ALS2CL: variants seen among roughly 807,000 people sequenced by gnomAD.
ALS2CL encodes ALS2 C-terminal like.
A neutral mutation model predicts 127.9 loss-of-function variants in ALS2CL; 112 were observed. The observed-to-expected ratio is 0.88, with a 90% confidence interval of 0.75 to 1.02. The LOEUF (loss-of-function observed/expected upper bound fraction) is 1.02, where lower values mean the gene tolerates loss of function less well. ALS2CL is among the 50% of genes least tolerant of loss of function. The pLI is 0.00. For missense variants in ALS2CL, 1,174 were observed against 1,236.7 expected (o/e 0.95, Z 0.76); for synonymous variants, 519 against 527.6 (o/e 0.98, Z 0.22).
intron 19 of ALS2CL, chr3:46,675,930 C>A: frequency 7.0e-7 from 1 of 1,427,394 alleles, no homozygotes; most frequent in Non-Finnish European, 9.1e-7. Flanking sequence ...GGGTCACAGC[C>A]CAGCCTGGGA....
intron 19 of ALS2CL, 105 bp downstream of exon 19, chr3:46,676,140 A>T: frequency 2.0e-6 from 3 of 1,497,582 alleles, no homozygotes; most frequent in Non-Finnish European, 2.7e-6. Flanking sequence ...TTCATTGTTG[A>T]ATCAGACACT....
chr3:46,681,091 T>G lies in ALS2CL; in HGVS notation c.1436+155A>C. 1.6e-5 allele frequency: 20 copies of G among 1,246,494 alleles called. No individual in the cohort carries two copies. The highest frequency in any genetic ancestry group is 2.4e-5 in the South Asian group (2 of 82,228). The allele number at this position is 1,246,494 out of a possible 1,614,324, so 77.2% of individuals were successfully genotyped here. On this transcript the variant is annotated intron_variant, in intron 13 of 25. Coordinates refer to ENST00000318962, the MANE Select transcript of ALS2CL (RefSeq NM_147129.5). The surrounding 1 kb of genome is among the most constrained non-coding windows in gnomAD (Gnocchi z 4.9). ...CAGCGTGACCAAGATTCGCTCAGCC[T>G]GAGCCTCCGCAGCAACCGAGGGACT...
Position 46,670,769 on chromosome 3 carries a change from A to G in ALS2CL, c.*215T>C, listed in dbSNP as rs1363630093. On this transcript the variant is annotated 3_prime_UTR_variant, in exon 26 of 26. Coordinates refer to ENST00000318962, the MANE Select transcript of ALS2CL (RefSeq NM_147129.5). The surrounding 1 kb of genome is among the most constrained non-coding windows in gnomAD (Gnocchi z 5.5). Reference sequence around the variant, plus strand: ...ATTAAGGGGTCATTGAAGATGGGCTAGTGGCCAAGGGAAAACCACCACATC... The same window carrying G: ...ATTAAGGGGTCATTGAAGATGGGCTGGTGGCCAAGGGAAAACCACCACATC... The G allele has an allele frequency of 5.6e-6, 3 of 533,718 alleles. No individual in the cohort carries two copies. The highest frequency in any genetic ancestry group is 1.0e-5 in the Non-Finnish European group (3 of 293,876). The allele number at this position is 533,718 out of a possible 1,614,324, so 33.1% of individuals were successfully genotyped here.
At chr3:46,671,435 C>T in intron 25 of ALS2CL, 53 bp downstream of exon 25, 3 of 1,610,002 alleles carry the variant, frequency 1.9e-6, no homozygotes, top group Non-Finnish European at 2.5e-6. Context: ...GGAAAAGGGT[C>T]TGCCCCAGGG....
chr3:46,679,466 A>G (rs2106712966), intron 14 of ALS2CL, 179 bp from the exon 15 acceptor site: 1 of 486,100 alleles, frequency 2.1e-6, no homozygotes, highest in Non-Finnish European at 3.6e-6. Flanking sequence ...TTGGCCTGCT[A>G]AGCACCAGCC....
intron 4 of ALS2CL, among the ~76,000 whole-genome samples, chr3:46,687,349 G>A (rs894569833): frequency 1.3e-5 from 2 of 152,214 alleles, no homozygotes; most frequent in African/African-American, 4.8e-5. Flanking sequence ...AGGGATTGCT[G>A]ATCACAACCA....
At chr3:46,674,501 G>C in intron 21 of ALS2CL, 65 bp downstream of exon 21, 1 of 1,559,184 alleles carries the variant, frequency 6.4e-7, no homozygotes, top group Non-Finnish European at 8.7e-7. Context: ...CCACCTTTTG[G>C]CTGAAGACAG....
At chr3:46,688,006 A>AC in intron 3 of ALS2CL, 92 bp downstream of exon 3, 1 of 1,462,700 alleles carries the variant, frequency 6.8e-7, no homozygotes, top group Non-Finnish European at 9.4e-7. Flanking sequence ...TTGAACCCTG[A>AC]CCCATGTGAG....
intron 1 of ALS2CL, among the ~76,000 whole-genome samples, chr3:46,693,079 C>T (rs146819178): frequency 5.1e-4 from 77 of 152,310 alleles, no homozygotes; most frequent in African/African-American, 1.8e-3. Flanking sequence ...CACCTGATCC[C>T]TCAGTCTCAT....
At position 46,673,374 on chromosome 3, in the gene ALS2CL, A is replaced by C; in HGVS notation, c.2437T>G (p.Trp813Gly). The C allele has an allele frequency of 6.4e-7, 1 of 1,563,780 alleles. No individual in the cohort carries two copies. Among genetic ancestry groups the C allele is most frequent in the South Asian group, 1.2e-5 (1 of 84,682 alleles). The change falls in exon 22 of 26, where the codon TGG (tryptophan) becomes GGG (glycine). Residue 813 changes from tryptophan (W) to glycine (G), a missense_variant. Transcript: ENST00000318962. ...GTCAGCGTGAGGTCCTTGAGGGGCC[A>C]CAAGTGCCTGAAATTGAAAAAGTGA... ...LEFLDVQKHL[W>G]PLKDLTLTSN... is the part of the protein sequence containing the mutation.
At position 46,670,927 on chromosome 3, in the gene ALS2CL, G is replaced by T. The variant is rs1026802187; in HGVS notation, c.*57C>A. ...TGTCCTGCCCCTTGCCTTGGGTAATGAGGGACAGGCTGGCAGTGCCCTGCT... is the reference window on the plus strand; with the variant it reads ...TGTCCTGCCCCTTGCCTTGGGTAATTAGGGACAGGCTGGCAGTGCCCTGCT... On this transcript the variant is annotated 3_prime_UTR_variant, in exon 26 of 26. Coordinates refer to ENST00000318962, the MANE Select transcript of ALS2CL (RefSeq NM_147129.5). The surrounding 1 kb of genome is among the most constrained non-coding windows in gnomAD (Gnocchi z 5.5). 6.5e-6 allele frequency: 10 copies of T among 1,544,382 alleles called. No homozygotes were observed. Among genetic ancestry groups the T allele is most frequent in the Non-Finnish European group, 8.9e-6 (10 of 1,117,556 alleles).
chr3:46,678,402 A>T lies in ALS2CL; in HGVS notation c.1627-13T>A, dbSNP rs749127912. The stretch of plus-strand genomic sequence containing the variant: ...AGGTGACCTTGCCCTGGGAGCCAGG[A>T]GAAGGAGCAGGGATGTCTGTCTGCC... On this transcript the variant is annotated splice_polypyrimidine_tract_variant and intron_variant, in intron 15 of 25. Transcript: ENST00000318962. 6.2e-7 allele frequency: 1 copy of T among 1,609,918 alleles called. No individual in the cohort carries two copies. The highest frequency in any genetic ancestry group is 1.1e-5 in the South Asian group (1 of 90,490).
intron 10 of ALS2CL, 102 bp downstream of exon 10, chr3:46,683,028 G>C: frequency 8.0e-7 from 1 of 1,256,192 alleles, no homozygotes; most frequent in Non-Finnish European, 1.1e-6. Flanking sequence ...GAGAGTAACC[G>C]CTCCTGGAAC....
Position 46,675,506 on chromosome 3 carries a change from T to C in ALS2CL, c.2255+112A>G, listed in dbSNP as rs139144075. 117 of 1,001,636 alleles carry C rather than the reference T, an allele frequency of 1.2e-4. No individual in the cohort carries two copies. In the African/African-American group the frequency reaches 1.5e-3, roughly 12 times the overall value. 62.0% of individuals were successfully genotyped at this position (1,001,636 alleles called of 1,614,324 possible). A position where few individuals can be genotyped will look rare whatever the true frequency, so the allele number is the denominator to read the frequency against. ...AATGCACAATGTTTGGTCAATAGAG[T>C]GAATGCCCAGCACTTCCCCAGAAGC... On this transcript the variant is annotated intron_variant, in intron 20 of 25. Transcript: ENST00000318962.
intron 24 of ALS2CL, 49 bp downstream of exon 24, chr3:46,671,835 G>A: frequency 6.2e-7 from 1 of 1,607,812 alleles, no homozygotes; most frequent in Non-Finnish European, 8.5e-7. Flanking sequence ...TCGTGGTTGG[G>A]GGTGGGACCC....
chr3:46,691,985 C>CG (rs938004168), intron 1 of ALS2CL, among the ~76,000 whole-genome samples: 10 of 152,236 alleles, frequency 6.6e-5, no homozygotes, highest in African/African-American at 2.4e-4. Flanking sequence ...CCTATGACTC[C>CG]GGGGGTGAGT....
At chr3:46,673,881 T>A (rs978987869) in intron 21 of ALS2CL, among the ~76,000 whole-genome samples, 1 of 152,160 alleles carries the variant, frequency 6.6e-6, no homozygotes, top group African/African-American at 2.4e-5. Context: ...GGAAGCACCA[T>A]CCCTGTGTAA....
chr3:46,673,271 C>A, intron 22 of ALS2CL, 68 bp downstream of exon 22: 1 of 1,423,212 alleles, frequency 7.0e-7, no homozygotes. Context: ...AATCATGAGG[C>A]AAAGGGCTCC....
At position 46,670,844 on chromosome 3, in the gene ALS2CL, A is replaced by G; in HGVS notation, c.*140T>C. The G allele has an allele frequency of 3.5e-6, 3 of 849,670 alleles. No individual in the cohort carries two copies. The South Asian group carries it at 4.6e-5, about 13-fold the overall frequency. 52.6% of individuals were successfully genotyped at this position (849,670 alleles called of 1,614,324 possible). A position where few individuals can be genotyped will look rare whatever the true frequency, so the allele number is the denominator to read the frequency against. On this transcript the variant is annotated 3_prime_UTR_variant, in exon 26 of 26. Coordinates refer to ENST00000318962, the MANE Select transcript of ALS2CL (RefSeq NM_147129.5). The surrounding 1 kb of genome is among the most constrained non-coding windows in gnomAD (Gnocchi z 5.5). The stretch of plus-strand genomic sequence containing the variant: ...CCCTCATCCCAGTCAGGGCAGCAGC[A>G]GCATCTTCCTGTGCAAAACAAAATG...
Sources: allele counts gnomAD v4.1 joint callset (sites outside exome capture counted in the v4.1 genomes callset), GRCh38; gene constraint gnomAD v4.1.1; non-coding constraint Gnocchi (gnomAD v3.1); transcripts MANE v1.5; gene names NCBI Gene and HGNC (gene_info 2026-07-23, HGNC 2026-07-21).